CSMD1: variants seen among roughly 807,000 people sequenced by gnomAD.
CSMD1 encodes CUB and sushi domain-containing protein 1.
Under a neutral mutation model 417.5 loss-of-function variants are expected in CSMD1, and 213 were observed. The observed-to-expected ratio is 0.51, with a 90% CI of 0.46 to 0.57. The LOEUF is 0.57. CSMD1 is among the 20% of genes least tolerant of loss of function. The pLI is 0.00. For missense variants in CSMD1, 6,923 were observed against 4,529.7 expected (o/e 1.53, Z -15.17); for synonymous variants, 2,862 against 1,736.8 (o/e 1.65, Z -16.11).
rs1228937226 is a variant in CSMD1 at position 2,973,309 on chromosome 8, A to G, written c.8741-10T>C. The stretch of plus-strand genomic sequence containing the variant: ...AATCCAGGATTATTTCCTATTGAAA[A>G]CAAACACATACGGCAATCCACAATT... On this transcript the variant is annotated splice_polypyrimidine_tract_variant and intron_variant, in intron 56 of 69. Transcript: ENST00000635120. 7 of 1,612,794 alleles carry G rather than the reference A, an allele frequency of 4.3e-6. No individual in the cohort carries two copies. Among genetic ancestry groups the G allele is most frequent in the Middle Eastern group, 1.7e-4 (1 of 6,048 alleles).
intron 18 of CSMD1, among the ~76,000 whole-genome samples, chr8:3,384,699 A>G (rs1424451925): frequency 2.7e-5 from 3 of 112,198 alleles, no homozygotes; most frequent in South Asian, 4.7e-4. Flanking sequence ...ATTTATATAA[A>G]TTATATATAA....
At chr8:4,353,700 A>C (rs914295480) in intron 3 of CSMD1, among the ~76,000 whole-genome samples, 1 of 152,078 alleles carries the variant, frequency 6.6e-6, no homozygotes. Context: ...CAGGCATAAG[A>C]AAAATCTTCT....
At chr8:3,654,207 T>G (rs1171318368) in intron 7 of CSMD1, among the ~76,000 whole-genome samples, 1 of 152,194 alleles carries the variant, frequency 6.6e-6, no homozygotes, top group Non-Finnish European at 1.5e-5. Context: ...ATATTTACCT[T>G]CAGTTTGACT....
At chr8:3,066,153 T>C (rs1230520357) in intron 49 of CSMD1, among the ~76,000 whole-genome samples, 2 of 152,222 alleles carry the variant, frequency 1.3e-5, no homozygotes, top group Non-Finnish European at 2.9e-5. Flanking sequence ...TTCCAAGGGC[T>C]GCTGGTTCTA....
At chr8:3,733,724 G>A (rs1796385907) in intron 6 of CSMD1, among the ~76,000 whole-genome samples, 1 of 152,050 alleles carries the variant, frequency 6.6e-6, no homozygotes, top group South Asian at 2.1e-4. Context: ...GACGCCCATG[G>A]GGTTGTGGTG....
At chr8:4,390,730 G>C (rs1260984372) in intron 3 of CSMD1, among the ~76,000 whole-genome samples, 1 of 151,520 alleles carries the variant, frequency 6.6e-6, no homozygotes, top group African/African-American at 2.4e-5. Flanking sequence ...AGCCAGGATG[G>C]TCTCGATCTT....
intron 5 of CSMD1, among the ~76,000 whole-genome samples, chr8:3,845,760 A>G (rs570719624): frequency 6.6e-6 from 1 of 152,292 alleles, no homozygotes; most frequent in South Asian, 2.1e-4. Flanking sequence ...ATAGCTCAGA[A>G]CATACTTTGT....
At chr8:4,935,259 G>T (rs1807533560) in intron 1 of CSMD1, among the ~76,000 whole-genome samples, 1 of 152,258 alleles carries the variant, frequency 6.6e-6, no homozygotes, top group Admixed American at 6.5e-5. Context: ...TTCTTCTTCA[G>T]TTAGATATCC....
At chr8:4,459,607 G>A (rs1483013278) in intron 2 of CSMD1, among the ~76,000 whole-genome samples, 1 of 152,178 alleles carries the variant, frequency 6.6e-6, no homozygotes, top group Non-Finnish European at 1.5e-5. Flanking sequence ...AAGAGACAGA[G>A]AAGAAGATCG....
chr8:3,075,153 A>G (rs1294057254), intron 49 of CSMD1, among the ~76,000 whole-genome samples: 2 of 152,110 alleles, frequency 1.3e-5, no homozygotes, highest in African/African-American at 4.8e-5. Flanking sequence ...AAGTTTCCTG[A>G]GGCCTCCCCA....
chr8:3,194,591 G>A (rs982532858), intron 33 of CSMD1, among the ~76,000 whole-genome samples: 5 of 151,540 alleles, frequency 3.3e-5, no homozygotes, highest in Admixed American at 6.6e-5. Context: ...TCAAGAAGCT[G>A]AGACTACAGG....
intron 10 of CSMD1, among the ~76,000 whole-genome samples, chr8:3,503,145 T>C (rs1763917256): frequency 6.6e-6 from 1 of 152,176 alleles, no homozygotes; most frequent in African/African-American, 2.4e-5. Flanking sequence ...AGTGTGAAAT[T>C]ACAAAGACTG....
intron 3 of CSMD1, among the ~76,000 whole-genome samples, chr8:4,093,842 T>C (rs1054954164): frequency 2.6e-5 from 4 of 152,018 alleles, no homozygotes; most frequent in African/African-American, 9.7e-5. Context: ...ATGCCTGTAA[T>C]CCCAGCAATC....
intron 23 of CSMD1, among the ~76,000 whole-genome samples, chr8:3,311,332 C>G (rs1158903934): frequency 1.3e-5 from 2 of 152,102 alleles, no homozygotes; most frequent in African/African-American, 4.8e-5. Context: ...TCACTGCAAC[C>G]TCCATCTCCT....
At chr8:2,962,341 A>T in intron 61 of CSMD1, 125 bp downstream of exon 61, 1 of 818,576 alleles carries the variant, frequency 1.2e-6, no homozygotes, top group Non-Finnish European at 1.9e-6. Flanking sequence ...AAAAATTATT[A>T]CCTTGTACAG....
chr8:4,314,256 C>T (rs1054903787), intron 3 of CSMD1, among the ~76,000 whole-genome samples: 1 of 152,038 alleles, frequency 6.6e-6, no homozygotes, highest in African/African-American at 2.4e-5. Flanking sequence ...TGGAATACAA[C>T]AGCACAAACT....
chr8:3,756,366 AAT>A (rs1797658908), intron 5 of CSMD1, among the ~76,000 whole-genome samples: 1 of 144,618 alleles, frequency 6.9e-6, no homozygotes, highest in African/African-American at 2.6e-5. Flanking sequence ...AAAAAAAAAA[AAT>A]CATTAGTTTC....
At chr8:3,664,154 G>C (rs185105000) in intron 7 of CSMD1, among the ~76,000 whole-genome samples, 4 of 152,098 alleles carry the variant, frequency 2.6e-5, no homozygotes, top group African/African-American at 7.2e-5. Context: ...TTAACATTAG[G>C]TATTTCCCCT....
At chr8:3,165,841 T>G (rs920646056) in intron 37 of CSMD1, among the ~76,000 whole-genome samples, 1 of 152,048 alleles carries the variant, frequency 6.6e-6, no homozygotes, top group Non-Finnish European at 1.5e-5. Context: ...TTTTTGGGAA[T>G]GCGGTGAAAC....
Sources: allele counts gnomAD v4.1 joint callset (sites outside exome capture counted in the v4.1 genomes callset), GRCh38; gene constraint gnomAD v4.1.1; transcripts MANE v1.5; gene names NCBI Gene and HGNC (gene_info 2026-07-23, HGNC 2026-07-21).